Variants in CNTN6 observed in about 807,000 individuals in gnomAD.
CNTN6 encodes contactin 6.
In CNTN6, 137 loss-of-function variants were observed where a neutral mutation model predicts 122.8. The observed-to-expected ratio is 1.12, with a 90% CI of 0.97 to 1.29. The LOEUF is 1.29. Among genes scored for constraint, CNTN6 ranks in the 50% most tolerant of loss-of-function variants. The pLI is 0.00. For missense variants in CNTN6, 1,634 were observed against 1,223.4 expected (o/e 1.34, Z -5.01); for synonymous variants, 570 against 426.0 (o/e 1.34, Z -4.16).
chr3:1,363,797 G>A (rs908033739), intron 12 of CNTN6, among the ~76,000 whole-genome samples: 3 of 151,832 alleles, frequency 2.0e-5, no homozygotes, highest in Middle Eastern at 6.3e-3. Context: ...TTGCTGGGTT[G>A]TATGGTATCT....
rs139170060 is a variant in CNTN6 at position 1,287,335 on chromosome 3, T to A, written c.455-8266T>A. On this transcript the variant is annotated intron_variant, in intron 5 of 22. Coordinates refer to ENST00000446702, the MANE Select transcript of CNTN6 (RefSeq NM_001289080.2). ...ATGCCAATCGCACTGCCTCCTCCAA[T>A]TGTGGGAAAATTTGTCTCCAGATAT... 1.2e-4 allele frequency among the ~76,000 whole-genome samples: 19 copies of A among 152,276 alleles called. No individual in the cohort carries two copies. The East Asian group carries it at 3.7e-3, about 29-fold the overall frequency.
intron 20 of CNTN6, among the ~76,000 whole-genome samples, chr3:1,389,120 C>A (rs1693680742): frequency 6.9e-6 from 1 of 144,600 alleles, no homozygotes; most frequent in African/African-American, 2.5e-5. Flanking sequence ...GTCAGATTCA[C>A]CAAAGTTGAA....
intron 7 of CNTN6, among the ~76,000 whole-genome samples, chr3:1,302,071 T>C (rs1164987825): frequency 6.6e-6 from 1 of 152,212 alleles, no homozygotes; most frequent in Non-Finnish European, 1.5e-5. Context: ...AATTATGTTA[T>C]AGGTATATAA....
intron 17 of CNTN6, among the ~76,000 whole-genome samples, chr3:1,382,455 T>C (rs1305955715): frequency 2.0e-5 from 3 of 152,216 alleles, no homozygotes; most frequent in East Asian, 3.8e-4. Flanking sequence ...TCTTTTATAC[T>C]TTTTTAAAGA....
intron 11 of CNTN6, among the ~76,000 whole-genome samples, chr3:1,331,060 G>A (rs1013920776): frequency 1.3e-5 from 2 of 151,798 alleles, no homozygotes; most frequent in African/African-American, 4.8e-5. Context: ...TTCATTTGTG[G>A]CCGAGGAAAA....
intron 11 of CNTN6, among the ~76,000 whole-genome samples, chr3:1,331,637 C>T (rs1394596288): frequency 6.6e-6 from 1 of 151,912 alleles, no homozygotes; most frequent in Non-Finnish European, 1.5e-5. Context: ...ATAAGAGATC[C>T]TGCAGTATCA....
chr3:1,130,979 T>A (rs1026847528), intron 1 of CNTN6, among the ~76,000 whole-genome samples: 1 of 152,094 alleles, frequency 6.6e-6, no homozygotes, highest in Admixed American at 6.6e-5. Context: ...GACAAAATCA[T>A]GGAATATTAA....
At chr3:1,199,880 A>C (rs2093836042) in intron 2 of CNTN6, among the ~76,000 whole-genome samples, 1 of 152,244 alleles carries the variant, frequency 6.6e-6, no homozygotes, top group South Asian at 2.1e-4. Context: ...CTACCACCAA[A>C]AGAAACAAAT....
intron 3 of CNTN6, among the ~76,000 whole-genome samples, chr3:1,221,895 A>G (rs1346594310): frequency 1.3e-5 from 2 of 152,310 alleles, no homozygotes; most frequent in East Asian, 1.9e-4. Context: ...ACTTCAGTGT[A>G]TTTTGGCAAA....
chr3:1,361,486 G>C (rs1228543452), intron 12 of CNTN6, among the ~76,000 whole-genome samples: 1 of 152,030 alleles, frequency 6.6e-6, no homozygotes, highest in Non-Finnish European at 1.5e-5. Context: ...ATAGATGATT[G>C]AATAAACAAT....
At chr3:1,396,303 G>A (rs914734832) in intron 20 of CNTN6, among the ~76,000 whole-genome samples, 8 of 152,008 alleles carry the variant, frequency 5.3e-5, no homozygotes, top group African/African-American at 1.9e-4. Flanking sequence ...ATGGTCAAAT[G>A]GTCTTTTTTC....
At chr3:1,297,147 T>C (rs548160744) in intron 6 of CNTN6, among the ~76,000 whole-genome samples, 1 of 152,272 alleles carries the variant, frequency 6.6e-6, no homozygotes, top group East Asian at 1.9e-4. Context: ...TAAGTATTTT[T>C]ATTTCATATA....
intron 22 of CNTN6, 113 bp downstream of exon 22, chr3:1,402,599 T>C (rs1294372638): frequency 1.1e-6 from 1 of 898,240 alleles, no homozygotes; most frequent in Non-Finnish European, 1.6e-6. Flanking sequence ...ATAAGATAAA[T>C]TTTCAATTGT....
intron 2 of CNTN6, among the ~76,000 whole-genome samples, chr3:1,161,769 T>C (rs202234070): frequency 1.3e-4 from 19 of 143,036 alleles, no homozygotes; most frequent in African/African-American, 3.9e-4. Context: ...TATATATGTA[T>C]ACACACACAC....
At chr3:1,178,995 C>T (rs560309138) in intron 2 of CNTN6, among the ~76,000 whole-genome samples, 11 of 152,106 alleles carry the variant, frequency 7.2e-5, no homozygotes, top group South Asian at 2.1e-4. Context: ...TATTTTGGCT[C>T]GTGGTTCTGC....
At chr3:1,355,872 T>G (rs879585666) in intron 12 of CNTN6, among the ~76,000 whole-genome samples, 7 of 151,848 alleles carry the variant, frequency 4.6e-5, no homozygotes, top group Non-Finnish European at 1.0e-4. Context: ...TTAGCTGATA[T>G]GGCTTATCTC....
chr3:1,254,646 A>T (rs953474185), intron 4 of CNTN6, among the ~76,000 whole-genome samples: 1 of 152,204 alleles, frequency 6.6e-6, no homozygotes, highest in Non-Finnish European at 1.5e-5. Context: ...GATCACATAA[A>T]TATGTACAGC....
chr3:1,236,848 A>T (rs1211844759), intron 4 of CNTN6, among the ~76,000 whole-genome samples: 7 of 152,142 alleles, frequency 4.6e-5, no homozygotes, highest in Non-Finnish European at 7.4e-5. Context: ...TGGGAGGCTG[A>T]GGCGGGTGGA....
At chr3:1,255,650 TTATA>T (rs1290218224) in intron 4 of CNTN6, among the ~76,000 whole-genome samples, 1 of 151,994 alleles carries the variant, frequency 6.6e-6, no homozygotes, top group Admixed American at 6.6e-5. Flanking sequence ...ATTTAATCGA[TTATA>T]TATAATCTAA....
Sources: gnomAD v4.1 joint callset for allele counts (sites outside exome capture counted in the v4.1 genomes callset) on GRCh38, gnomAD v4.1.1 for gene constraint, MANE v1.5 for transcripts, NCBI Gene and HGNC (gene_info 2026-07-23, HGNC 2026-07-21) for gene names.